MMP16: variants seen among roughly 807,000 people sequenced by gnomAD.
The protein encoded by MMP16 is matrix metallopeptidase 16.
A neutral mutation model predicts 67.8 loss-of-function variants in MMP16; 12 were observed. The observed-to-expected ratio is 0.18, with a 90% CI of 0.11 to 0.29. The LOEUF is 0.29. Among genes scored for constraint, MMP16 ranks in the 10% least tolerant of loss-of-function variants. The pLI is 1.00. For synonymous variants in MMP16, 249 were observed against 255.9 expected (o/e 0.97, Z 0.26); for missense variants, 475 against 765.7 (o/e 0.62, Z 4.48).
intron 4 of MMP16, among the ~76,000 whole-genome samples, chr8:88,140,236 C>T (rs1468405862): frequency 1.3e-5 from 2 of 152,020 alleles, no homozygotes; most frequent in African/African-American, 4.8e-5. Context: ...CTCATATGGC[C>T]TAGGGTTCTG....
At chr8:88,088,729 C>G (rs1808885837) in intron 6 of MMP16, among the ~76,000 whole-genome samples, 1 of 151,952 alleles carries the variant, frequency 6.6e-6, no homozygotes, top group African/African-American at 2.4e-5. Context: ...AGGTAACTGC[C>G]CTTCTTTACA....
At chr8:88,203,841 T>A (rs531074889) in intron 1 of MMP16, among the ~76,000 whole-genome samples, 59 of 152,358 alleles carry the variant, frequency 3.9e-4, no homozygotes, top group African/African-American at 1.4e-3. Context: ...GCTGTCCTTT[T>A]CTGTGAAGAC....
At chr8:88,182,044 C>A (rs1308959549) in intron 3 of MMP16, among the ~76,000 whole-genome samples, 1 of 152,052 alleles carries the variant, frequency 6.6e-6, no homozygotes, top group Non-Finnish European at 1.5e-5. Context: ...CATAAAACTA[C>A]TAAACATCTA....
chr8:88,247,970 C>T (rs910578140), intron 1 of MMP16, among the ~76,000 whole-genome samples: 38 of 151,942 alleles, frequency 2.5e-4, no homozygotes, highest in African/African-American at 8.9e-4. Context: ...CAATCCCAGA[C>T]CAAGTGAATT....
chr8:88,124,077 T>C (rs1807886376), intron 4 of MMP16, among the ~76,000 whole-genome samples: 1 of 152,070 alleles, frequency 6.6e-6, no homozygotes, highest in South Asian at 2.1e-4. Context: ...GTAAATTTCT[T>C]GCAATGCACT....
chr8:88,133,202 G>T (rs1447209227), intron 4 of MMP16, among the ~76,000 whole-genome samples: 1 of 149,678 alleles, frequency 6.7e-6, no homozygotes, highest in African/African-American at 2.5e-5. Context: ...GAATTATCTT[G>T]CCATTACCTT....
intron 4 of MMP16, among the ~76,000 whole-genome samples, chr8:88,149,583 A>AC (rs1034101907): frequency 6.6e-6 from 1 of 151,758 alleles, no homozygotes; most frequent in Admixed American, 6.6e-5. Context: ...ACTGGGAGGC[A>AC]CCCCCCAGCA....
chr8:88,056,363 A>T, intron 7 of MMP16, 85 bp from the exon 8 acceptor site: 1 of 545,648 alleles, frequency 1.8e-6, no homozygotes, highest in Non-Finnish European at 2.7e-6. Context: ...AAATTATATT[A>T]AATACATATT....
chr8:88,122,129 T>C (rs1308371845), intron 4 of MMP16, among the ~76,000 whole-genome samples: 1 of 152,080 alleles, frequency 6.6e-6, no homozygotes, highest in Non-Finnish European at 1.5e-5. Context: ...AAATGTATTT[T>C]GGTATATTTT....
intron 3 of MMP16, among the ~76,000 whole-genome samples, chr8:88,173,113 G>A (rs1472218821): frequency 1.3e-5 from 2 of 152,146 alleles, no homozygotes; most frequent in Non-Finnish European, 2.9e-5. Context: ...GCAGTGGCAA[G>A]ATCACAGCTC....
intron 1 of MMP16, among the ~76,000 whole-genome samples, chr8:88,205,620 A>C (rs1272644005): frequency 6.6e-6 from 1 of 152,156 alleles, no homozygotes; most frequent in Non-Finnish European, 1.5e-5. Flanking sequence ...TCAGTTTTAC[A>C]GTTTAAAAAA....
At chr8:88,252,958 T>G (rs2129929601) in intron 1 of MMP16, among the ~76,000 whole-genome samples, 1 of 152,214 alleles carries the variant, frequency 6.6e-6, no homozygotes, top group South Asian at 2.1e-4. Flanking sequence ...AAATGTGCAA[T>G]TCTCTGGGAA....
chr8:88,160,950 A>C (rs538704511), intron 4 of MMP16, among the ~76,000 whole-genome samples: 40 of 152,302 alleles, frequency 2.6e-4, no homozygotes, highest in Non-Finnish European at 5.4e-4. Context: ...TAGGTTTGCC[A>C]GTATTTTATT....
In MMP16 at chr8:88,174,085, T is replaced by C. The variant is rs545366680; in HGVS notation, c.405-6112A>G. Among the ~76,000 whole-genome samples, 4 of 152,346 alleles carry C rather than the reference T, an allele frequency of 2.6e-5. No homozygotes were observed. The East Asian group carries it at 5.8e-4, about 22-fold the overall frequency. ...TACTTAGTAACCTCTTTTCTCTGTA[T>C]ACACTATTAAAGTAAAATAACTTCC... On this transcript the variant is annotated intron_variant, in intron 3 of 9. Coordinates refer to ENST00000286614, the MANE Select transcript of MMP16 (RefSeq NM_005941.5).
intron 1 of MMP16, among the ~76,000 whole-genome samples, chr8:88,296,586 G>A (rs1297470387): frequency 6.6e-6 from 1 of 152,044 alleles, no homozygotes; most frequent in African/African-American, 2.4e-5. Flanking sequence ...TGTAATCCCA[G>A]CACTTTCGGA....
intron 4 of MMP16, among the ~76,000 whole-genome samples, chr8:88,155,629 T>A (rs1222087866): frequency 6.6e-6 from 1 of 152,146 alleles, no homozygotes. Flanking sequence ...TTACCAGATC[T>A]TCAATATCTA....
At chr8:88,226,157 C>A (rs1809766114) in intron 1 of MMP16, among the ~76,000 whole-genome samples, 1 of 151,932 alleles carries the variant, frequency 6.6e-6, no homozygotes. Flanking sequence ...TATTAACTTC[C>A]TTTTCCCATT....
In MMP16 at chr8:88,111,413, C is replaced by T. The variant is rs563803021; in HGVS notation, c.1083+5094G>A. ...CTGCAGTAGAAATCTGGAAAATAAG[C>T]GAATATTTGGTACTGACAGGGAAAG... On this transcript the variant is annotated intron_variant, in intron 6 of 9. Transcript: ENST00000286614. 8.6e-5 allele frequency among the ~76,000 whole-genome samples: 13 copies of T among 151,598 alleles called. No homozygotes were observed. The East Asian group carries it at 1.6e-3, about 18-fold the overall frequency.
intron 6 of MMP16, among the ~76,000 whole-genome samples, chr8:88,112,501 AT>A (rs1197255251): frequency 6.6e-6 from 1 of 151,744 alleles, no homozygotes; most frequent in Non-Finnish European, 1.5e-5. Context: ...TAGTATTAAA[AT>A]CACCTTTTCT....
Sources: allele counts gnomAD v4.1 joint callset (sites outside exome capture counted in the v4.1 genomes callset), GRCh38; gene constraint gnomAD v4.1.1; transcripts MANE v1.5; gene names NCBI Gene and HGNC (gene_info 2026-07-23, HGNC 2026-07-21).